The following CDYL variants were observed in gnomAD, a reference collection of about 807,000 sequenced individuals.
CDYL encodes chromodomain Y like.
A neutral mutation model predicts 47.3 loss-of-function variants in CDYL; 8 were observed. That is an observed-to-expected ratio of 0.17 (90% CI 0.10 to 0.31). The LOEUF is 0.31. CDYL is among the 10% of genes least tolerant of loss of function. CDYL has a pLI of 1.00. For missense variants in CDYL, 471 were observed against 701.4 expected, an observed-to-expected ratio of 0.67 and a Z score of 3.71; for synonymous variants, 266 against 265.0, an observed-to-expected ratio of 1.00 and a Z score of -0.04.
intron 1 of CDYL, among the ~76,000 whole-genome samples, chr6:4,785,404 C>G (rs1276368481): frequency 2.0e-5 from 3 of 152,292 alleles, no homozygotes; most frequent in South Asian, 4.1e-4. Flanking sequence ...AGTAGGCTCT[C>G]TGCTATGTGA....
chr6:4,924,939 T>C (rs1757823094), intron 2 of CDYL, among the ~76,000 whole-genome samples: 1 of 152,204 alleles, frequency 6.6e-6, no homozygotes, highest in African/African-American at 2.4e-5. Flanking sequence ...AAGCAAGTAC[T>C]ACAATAAATA....
intron 2 of CDYL, among the ~76,000 whole-genome samples, chr6:4,894,432 G>A (rs1257973559): frequency 1.3e-5 from 2 of 152,076 alleles, no homozygotes; most frequent in Non-Finnish European, 2.9e-5. Context: ...AGCTCAGAAT[G>A]GATTTTACAT....
At chr6:4,857,461 A>T (rs1449423834) in intron 1 of CDYL, among the ~76,000 whole-genome samples, 2 of 152,236 alleles carry the variant, frequency 1.3e-5, no homozygotes, top group Non-Finnish European at 2.9e-5. Context: ...TTCTTGAGAA[A>T]TAAGTCTAAG....
chr6:4,804,508 G>C (rs1235579067), intron 1 of CDYL, among the ~76,000 whole-genome samples: 1 of 152,218 alleles, frequency 6.6e-6, no homozygotes, highest in Non-Finnish European at 1.5e-5. Flanking sequence ...GGGAGCCAGA[G>C]AGAGCTTGTT....
At chr6:4,788,596 C>T (rs1029369668) in intron 1 of CDYL, among the ~76,000 whole-genome samples, 1 of 151,588 alleles carries the variant, frequency 6.6e-6, no homozygotes, top group Non-Finnish European at 1.5e-5. Flanking sequence ...CGTCCCTAGG[C>T]CCTGAAGGTG....
At chr6:4,817,716 G>A (rs983856875) in intron 1 of CDYL, among the ~76,000 whole-genome samples, 3 of 152,102 alleles carry the variant, frequency 2.0e-5, no homozygotes, top group Admixed American at 6.6e-5. Context: ...ATGACTCATC[G>A]TGACTTCCAA....
chr6:4,905,749 C>A (rs985585700), intron 2 of CDYL, among the ~76,000 whole-genome samples: 2 of 152,078 alleles, frequency 1.3e-5, no homozygotes, highest in African/African-American at 2.4e-5. Flanking sequence ...AGGACCTCTT[C>A]TTTTTCATTT....
intron 2 of CDYL, among the ~76,000 whole-genome samples, chr6:4,934,237 A>G (rs562392381): frequency 6.6e-6 from 1 of 152,346 alleles, no homozygotes; most frequent in East Asian, 1.9e-4. Context: ...CTGTGTAAAC[A>G]GGATCAGGCT....
intron 2 of CDYL, among the ~76,000 whole-genome samples, chr6:4,932,214 A>G (rs1019004791): frequency 2.0e-5 from 3 of 152,216 alleles, no homozygotes; most frequent in African/African-American, 7.2e-5. Context: ...TAAATACACA[A>G]CAGAATTATT....
intron 1 of CDYL, among the ~76,000 whole-genome samples, chr6:4,822,495 A>G (rs557220983): frequency 8.5e-5 from 13 of 152,306 alleles, no homozygotes; most frequent in South Asian, 4.1e-4. Context: ...ACATGTGTAC[A>G]CTTGTAAAGT....
intron 2 of CDYL, among the ~76,000 whole-genome samples, chr6:4,734,294 C>A (rs1757661932): frequency 6.6e-6 from 1 of 152,206 alleles, no homozygotes; most frequent in African/African-American, 2.4e-5. Context: ...TTGAGGGTCT[C>A]TCCAGGGCAC....
At chr6:4,792,226 A>G (rs1020096596) in intron 1 of CDYL, among the ~76,000 whole-genome samples, 3 of 151,890 alleles carry the variant, frequency 2.0e-5, no homozygotes, top group African/African-American at 7.3e-5. Flanking sequence ...AACATTTTAC[A>G]TCATTGGATC....
At chr6:4,763,968 TG>T (rs1464750547) in intron 3 of CDYL, among the ~76,000 whole-genome samples, 1 of 151,970 alleles carries the variant, frequency 6.6e-6, no homozygotes, top group Non-Finnish European at 1.5e-5. Flanking sequence ...AAAAATTTGT[TG>T]TAAAGTTCTC....
chr6:4,937,419 C>A, intron 3 of CDYL, 146 bp from the exon 4 acceptor site: 1 of 540,034 alleles, frequency 1.9e-6, no homozygotes, highest in Non-Finnish European at 3.1e-6. Flanking sequence ...TTGTTTGAGC[C>A]CAGGAGTTAG....
At chr6:4,912,629 A>G (rs1417176955) in intron 2 of CDYL, among the ~76,000 whole-genome samples, 2 of 152,232 alleles carry the variant, frequency 1.3e-5, no homozygotes, top group Non-Finnish European at 2.9e-5. Context: ...TTGTGAGAGA[A>G]TATCTGAAAC....
intron 2 of CDYL, among the ~76,000 whole-genome samples, chr6:4,716,822 A>T (rs545264855): frequency 6.6e-6 from 1 of 152,224 alleles, no homozygotes; most frequent in African/African-American, 2.4e-5. Context: ...CAGGGTGTTT[A>T]GCAATGAGCA....
intron 1 of CDYL, among the ~76,000 whole-genome samples, chr6:4,855,220 G>T (rs1250332052): frequency 6.6e-6 from 1 of 152,170 alleles, no homozygotes; most frequent in Non-Finnish European, 1.5e-5. Context: ...ACCCTTTGAA[G>T]TAAAATGAAA....
intron 5 of CDYL, among the ~76,000 whole-genome samples, chr6:4,945,552 C>G (rs1758487541): frequency 6.6e-6 from 1 of 152,250 alleles, no homozygotes; most frequent in Non-Finnish European, 1.5e-5. Flanking sequence ...CTGTGCCCAG[C>G]TCAGAGTTGC....
intron 2 of CDYL, among the ~76,000 whole-genome samples, chr6:4,926,773 CATT>C (rs759404857): frequency 1.1e-4 from 16 of 152,224 alleles, no homozygotes; most frequent in African/African-American, 2.4e-5. Context: ...CACATGGAAA[CATT>C]GTTGATATCT....
Sources: allele counts gnomAD v4.1 joint callset (sites outside exome capture counted in the v4.1 genomes callset), GRCh38; gene constraint gnomAD v4.1.1; transcripts MANE v1.5; gene names NCBI Gene and HGNC (gene_info 2026-07-23, HGNC 2026-07-21).